GLIS3: variants seen among roughly 807,000 people sequenced by gnomAD.
The protein encoded by GLIS3 is GLIS family zinc finger 3.
Under a neutral mutation model 78.6 loss-of-function variants are expected in GLIS3, and 53 were observed. The ratio of observed to expected loss-of-function variants is 0.67; its 90% CI spans 0.54 to 0.85. The LOEUF (loss-of-function observed/expected upper bound fraction) is 0.85, where lower values mean the gene tolerates loss of function less well. Among genes scored for constraint, GLIS3 ranks in the 40% least tolerant of loss-of-function variants. The probability of loss-of-function intolerance (pLI) is 0.00; values close to 1 mark genes in which losing one functional copy is unlikely to be tolerated. For missense variants in GLIS3, 1,703 were observed against 1,231.1 expected, an observed-to-expected ratio of 1.38 and a Z score of -5.74; for synonymous variants, 684 against 509.9, an observed-to-expected ratio of 1.34 and a Z score of -4.60.
At chr9:4,274,221 A>G (rs1826784307) in intron 2 of GLIS3, among the ~76,000 whole-genome samples, 1 of 152,200 alleles carries the variant, frequency 6.6e-6, no homozygotes, top group East Asian at 1.9e-4. Context: ...CTCGAATGTC[A>G]ATGTACACTT....
intron 4 of GLIS3, among the ~76,000 whole-genome samples, chr9:4,043,296 G>T (rs1243691316): frequency 4.6e-5 from 7 of 152,114 alleles, no homozygotes; most frequent in African/African-American, 7.2e-5. Context: ...AGTGTAGAGT[G>T]TTGAGCAAGA....
In GLIS3 at chr9:4,168,161, C is replaced by T. The variant is rs140234749; in HGVS notation, c.389-42220G>A. On this transcript the variant is annotated intron_variant, in intron 2 of 10. Transcript: ENST00000381971. ...CCAGTTGTTGCCTTTCTTATCTTCT[C>T]TCTCTTCTCTCTCTCTTACACACAC... Among the ~76,000 whole-genome samples, 482 of 152,152 alleles carry T rather than the reference C, an allele frequency of 3.2e-3. 2 individuals carry two copies. Among genetic ancestry groups the T allele is most frequent in the African/African-American group, 0.01 (433 of 41,526 alleles).
At chr9:4,488,050 T>G in the GLIS3 span, among the ~76,000 whole-genome samples, 1 of 152,274 alleles carries the variant, frequency 6.6e-6, no homozygotes, top group East Asian at 1.9e-4. Context: ...ATTGTTAAAA[T>G]TTTGGCATAT....
chr9:4,275,999 T>C (rs918034749), intron 2 of GLIS3, among the ~76,000 whole-genome samples: 12 of 152,018 alleles, frequency 7.9e-5, no homozygotes, highest in African/African-American at 2.9e-4. Context: ...ATGCTACAGG[T>C]TAGCCAGGAG....
intron 2 of GLIS3, among the ~76,000 whole-genome samples, chr9:4,136,374 T>C (rs553169992): frequency 6.6e-6 from 1 of 152,286 alleles, no homozygotes; most frequent in East Asian, 1.9e-4. Flanking sequence ...CTTCAGGATG[T>C]CCAAAGATGT....
At chr9:3,838,423 G>T (rs1818496448) in intron 9 of GLIS3, among the ~76,000 whole-genome samples, 2 of 152,044 alleles carry the variant, frequency 1.3e-5, no homozygotes, top group Non-Finnish European at 2.9e-5. Context: ...AAGATTCTTT[G>T]GTTTCACTTA....
intron 1 of GLIS3, among the ~76,000 whole-genome samples, chr9:4,289,482 T>G (rs1828269707): frequency 1.3e-5 from 2 of 152,136 alleles, no homozygotes; most frequent in Middle Eastern, 3.2e-3. Flanking sequence ...ACAACAAATT[T>G]CAACATTGCA....
intron 4 of GLIS3, among the ~76,000 whole-genome samples, chr9:4,017,788 A>C (rs890310262): frequency 6.6e-6 from 1 of 152,212 alleles, no homozygotes; most frequent in African/African-American, 2.4e-5. Context: ...GTAGTTTTTC[A>C]ACAATATTGA....
At chr9:4,342,831 A>T (rs1476433617) in intron 2 of GLIS3, among the ~76,000 whole-genome samples, 1 of 152,116 alleles carries the variant, frequency 6.6e-6, no homozygotes, top group African/African-American at 2.4e-5. Flanking sequence ...CTGTATTCAT[A>T]GGTATTTTAT....
chr9:4,142,992 T>C (rs1833921437), intron 2 of GLIS3, among the ~76,000 whole-genome samples: 1 of 152,132 alleles, frequency 6.6e-6, no homozygotes, highest in African/African-American at 2.4e-5. Flanking sequence ...CTTATAGCTG[T>C]TGGGTACTAG....
At chr9:4,129,906 C>CA (rs1586755228) in intron 2 of GLIS3, among the ~76,000 whole-genome samples, 1 of 152,244 alleles carries the variant, frequency 6.6e-6, no homozygotes, top group East Asian at 1.9e-4. Flanking sequence ...GAATTATGAC[C>CA]AAAATGCTGA....
At chr9:4,272,569 A>C (rs1259638561) in intron 2 of GLIS3, among the ~76,000 whole-genome samples, 1 of 152,238 alleles carries the variant, frequency 6.6e-6, no homozygotes, top group African/African-American at 2.4e-5. Flanking sequence ...ATAGGGGATT[A>C]AATTAAGATA....
chr9:4,190,857 G>A (rs1184413877), intron 2 of GLIS3, among the ~76,000 whole-genome samples: 3 of 152,244 alleles, frequency 2.0e-5, no homozygotes, highest in Admixed American at 2.0e-4. Flanking sequence ...CTACAAGCCA[G>A]AAGACAGTGG....
intron 4 of GLIS3, among the ~76,000 whole-genome samples, chr9:4,074,932 T>C (rs1467308445): frequency 2.0e-5 from 3 of 152,176 alleles, no homozygotes; most frequent in Non-Finnish European, 2.9e-5. Flanking sequence ...GAAACTGTAG[T>C]TCTCCTTTAA....
intron 4 of GLIS3, among the ~76,000 whole-genome samples, chr9:4,100,461 C>T (rs529894113): frequency 3.3e-5 from 5 of 152,246 alleles, no homozygotes; most frequent in South Asian, 2.1e-4. Flanking sequence ...AGCTCACTTC[C>T]GATACACCAT....
At chr9:4,327,420 C>A (rs990616394) in intron 2 of GLIS3, among the ~76,000 whole-genome samples, 1 of 152,144 alleles carries the variant, frequency 6.6e-6, no homozygotes, top group East Asian at 1.9e-4. Context: ...TGTGGGAGAT[C>A]AGTTAGGAGG....
At chr9:4,362,241 T>A in the GLIS3 span, among the ~76,000 whole-genome samples, 1 of 151,528 alleles carries the variant, frequency 6.6e-6, no homozygotes, top group African/African-American at 2.5e-5. Context: ...TATGGATTTT[T>A]TTCCTTACTT....
chr9:3,974,427 G>A lies in GLIS3; in HGVS notation c.1711-37238C>T, dbSNP rs544377027. On this transcript the variant is annotated intron_variant, in intron 4 of 10. Coordinates refer to ENST00000381971, the MANE Select transcript of GLIS3 (RefSeq NM_001042413.2). Reference sequence around the variant, plus strand: ...CCTTGTCCACAGATATAAAAAGGTAGTAAGTTCCATAAAGAAACTCTGTCC... The same window carrying A: ...CCTTGTCCACAGATATAAAAAGGTAATAAGTTCCATAAAGAAACTCTGTCC... Among the ~76,000 whole-genome samples the A allele has an allele frequency of 3.9e-5, 6 of 152,298 alleles. No individual in the cohort carries two copies. The East Asian group carries it at 1.2e-3, about 29-fold the overall frequency.
At chr9:4,131,664 T>C (rs757643046) in intron 2 of GLIS3, among the ~76,000 whole-genome samples, 3 of 152,232 alleles carry the variant, frequency 2.0e-5, no homozygotes, top group African/African-American at 7.2e-5. Flanking sequence ...AATACTGTTA[T>C]GCTTCTTGTT....
Sources: gnomAD v4.1 joint callset for allele counts (sites outside exome capture counted in the v4.1 genomes callset) on GRCh38, gnomAD v4.1.1 for gene constraint, MANE v1.5 for transcripts, NCBI Gene and HGNC (gene_info 2026-07-23, HGNC 2026-07-21) for gene names.